Variants in SLAIN2 observed in about 807,000 individuals in gnomAD.
SLAIN2 encodes SLAIN motif-containing protein 2.
A neutral mutation model predicts 56.6 loss-of-function variants in SLAIN2; 31 were observed. The ratio of observed to expected loss-of-function variants is 0.55; its 90% confidence interval spans 0.41 to 0.74. The LOEUF is 0.74. Ranked by LOEUF, SLAIN2 falls within the 30% of genes least tolerant of loss-of-function variation. SLAIN2 has a pLI of 0.00. For synonymous variants in SLAIN2, 317 were observed against 284.9 expected (o/e 1.11, Z -1.13); for missense variants, 777 against 754.2 (o/e 1.03, Z -0.35).
intron 1 of SLAIN2, among the ~76,000 whole-genome samples, chr4:48,367,817 G>A (rs1243578700): frequency 3.3e-5 from 5 of 151,868 alleles, no homozygotes; most frequent in Non-Finnish European, 7.4e-5. Context: ...CATAAAAGTC[G>A]TTATATGTTA....
At chr4:48,358,100 G>A (rs1185525984) in intron 1 of SLAIN2, among the ~76,000 whole-genome samples, 1 of 152,062 alleles carries the variant, frequency 6.6e-6, no homozygotes, top group Admixed American at 6.6e-5. Flanking sequence ...GAGCACTTTT[G>A]GTTTTGCCAT....
chr4:48,363,160 T>A (rs1457003580), intron 1 of SLAIN2, among the ~76,000 whole-genome samples: 2 of 41,250 alleles, frequency 4.8e-5, no homozygotes, highest in African/African-American at 7.6e-5. Context: ...CATGTCTACT[T>A]CTTTCTACAC....
At chr4:48,349,165 A>G (rs1234120557) in intron 1 of SLAIN2, among the ~76,000 whole-genome samples, 2 of 151,938 alleles carry the variant, frequency 1.3e-5, no homozygotes, top group African/African-American at 4.8e-5. Flanking sequence ...CTGTTTATAT[A>G]CCCTTTTTTA....
chr4:48,376,217 G>A (rs1025288185), intron 2 of SLAIN2, among the ~76,000 whole-genome samples: 4 of 152,216 alleles, frequency 2.6e-5, no homozygotes, highest in African/African-American at 9.6e-5. Flanking sequence ...ACTTTGGGAG[G>A]CCAAGGCAGG....
chr4:48,342,069 G>A lies in SLAIN2; in HGVS notation c.330G>A (p.Glu110=), dbSNP rs1010286657. 8 of 1,375,634 alleles carry A rather than the reference G, an allele frequency of 5.8e-6. No individual in the cohort carries two copies. Among genetic ancestry groups the A allele is most frequent in the African/African-American group, 4.6e-5 (3 of 65,224 alleles). 85.2% of individuals were successfully genotyped at this position (1,375,634 alleles called of 1,614,324 possible). Residue 110 remains glutamate, a synonymous_variant, in exon 1 of 8, where the codon GAG becomes GAA. Transcript: ENST00000264313. ...AGGGCGGCTTGCTGGACGAGGTGGAGCCGCTGCGGCCCGACGAGCTGGAGC... is the reference window on the plus strand; with the variant it reads ...AGGGCGGCTTGCTGGACGAGGTGGAACCGCTGCGGCCCGACGAGCTGGAGC... The part of the protein sequence containing the change: ...AGEGGLLDEV[E]PLRPDELERL...
At chr4:48,397,062 C>G (rs1358717156) in intron 6 of SLAIN2, among the ~76,000 whole-genome samples, 1 of 152,120 alleles carries the variant, frequency 6.6e-6, no homozygotes, top group Admixed American at 6.5e-5. Context: ...ATGGAAGTGG[C>G]TATTTAAACT....
chr4:48,420,183 A>T lies in SLAIN2; in HGVS notation c.1419A>T (p.Gln473His), dbSNP rs759771336. The T allele has an allele frequency of 6.2e-7, 1 of 1,613,978 alleles. No individual in the cohort carries two copies. The highest frequency in any genetic ancestry group is 8.5e-7 in the Non-Finnish European group (1 of 1,179,878). ...CACCATCTCCTTTGGCTCTTCGGCA[A>T]CCAGTGAAAGCATTTAGTAACCATG... The part of the protein sequence containing the change: ...PAAPSPLALR[Q>H]PVKAFSNHGS... Residue 473 changes from glutamine (Q) to histidine (H), a missense_variant, in exon 7 of 8, where the codon CAA becomes CAT. Physicochemically the swap from Gln to His is conservative, Grantham distance 24. Transcript: ENST00000264313.
At chr4:48,392,554 T>C (rs1176096560) in intron 6 of SLAIN2, among the ~76,000 whole-genome samples, 1 of 152,212 alleles carries the variant, frequency 6.6e-6, no homozygotes, top group Non-Finnish European at 1.5e-5. Flanking sequence ...ACAACTGGCC[T>C]ACGTTCTGTT....
At chr4:48,369,720 G>A in intron 1 of SLAIN2, 129 bp from the exon 2 acceptor site, 1 of 740,772 alleles carries the variant, frequency 1.3e-6, no homozygotes, top group Non-Finnish European at 2.1e-6. Context: ...AAGTAAATGT[G>A]GGTGATTTAA....
chr4:48,351,428 C>G (rs1715006250), intron 1 of SLAIN2, among the ~76,000 whole-genome samples: 2 of 152,186 alleles, frequency 1.3e-5, no homozygotes, highest in East Asian at 1.9e-4. Context: ...CATTTCTCCT[C>G]TGAGTGGGAG....
rs1440786355 is a variant in SLAIN2, at chr4:48,425,075, C to A, written c.*2998C>A. On this transcript the variant is annotated 3_prime_UTR_variant, in exon 8 of 8. Transcript: ENST00000264313. ...TATGGTAAGATTCCTTTTTTCCTCT[C>A]AGTTGCCTACACTTGGTTTTAATAA... is the stretch of plus-strand genomic sequence containing the variant. 1 of 151,900 alleles carries A rather than the reference C, an allele frequency of 6.6e-6. No homozygotes were observed. The allele number at this position is 151,900 out of a possible 1,614,324, so 9.4% of individuals were successfully genotyped here. A position where few individuals can be genotyped will look rare whatever the true frequency, so the allele number is the denominator to read the frequency against.
chr4:48,393,377 A>T (rs550171944), intron 6 of SLAIN2, among the ~76,000 whole-genome samples: 1 of 107,322 alleles, frequency 9.3e-6, no homozygotes, highest in Non-Finnish European at 1.9e-5. Flanking sequence ...ACACACCACC[A>T]TGTCTGGCTT....
chr4:48,368,210 G>A (rs1715576556), intron 1 of SLAIN2, among the ~76,000 whole-genome samples: 1 of 151,684 alleles, frequency 6.6e-6, no homozygotes, highest in African/African-American at 2.4e-5. Flanking sequence ...CACCACACCT[G>A]GCTAATTTTT....
chr4:48,368,540 A>G (rs1715586116), intron 1 of SLAIN2, among the ~76,000 whole-genome samples: 1 of 152,164 alleles, frequency 6.6e-6, no homozygotes. Flanking sequence ...TCATCTATAG[A>G]GGTTTACCTT....
At chr4:48,345,057 T>G (rs1714826052) in intron 1 of SLAIN2, among the ~76,000 whole-genome samples, 1 of 152,240 alleles carries the variant, frequency 6.6e-6, no homozygotes, top group South Asian at 2.1e-4. Flanking sequence ...ATTTATGAGA[T>G]AGGTATCATT....
At chr4:48,343,205 G>A (rs975432899) in intron 1 of SLAIN2, among the ~76,000 whole-genome samples, 1 of 152,132 alleles carries the variant, frequency 6.6e-6, no homozygotes, top group African/African-American at 2.4e-5. Flanking sequence ...TTCGCCCCTG[G>A]TTTTGCCACT....
At chr4:48,414,290 G>T (rs1716938801) in intron 6 of SLAIN2, among the ~76,000 whole-genome samples, 1 of 152,028 alleles carries the variant, frequency 6.6e-6, no homozygotes, top group Non-Finnish European at 1.5e-5. Flanking sequence ...TAATTTATAG[G>T]GAAAGCCTAG....
chr4:48,396,660 C>A (rs142370442), intron 6 of SLAIN2, among the ~76,000 whole-genome samples: 93 of 152,164 alleles, frequency 6.1e-4, no homozygotes, highest in African/African-American at 2.1e-3. Flanking sequence ...TAAACGTGTC[C>A]AGTAAAGAAA....
rs776678579 is a variant in SLAIN2, at chr4:48,382,745, G to A, written c.1040G>A (p.Arg347His). Residue 347 changes from arginine (R) to histidine (H), a missense_variant, in exon 5 of 8, where the codon CGC becomes CAC. By Grantham distance (29) the Arg-to-His change is conservative. Transcript: ENST00000264313. ...GTTAACAGGTTTTCACCATCACCAC[G>A]CAATTCACCTCGACCGTCACCTAAG... ...PAVNRFSPSP[R>H]NSPRPSPKQS... 32 of 1,613,454 alleles carry A rather than the reference G, an allele frequency of 2.0e-5. No homozygotes were observed. Among genetic ancestry groups the A allele is most frequent in the Non-Finnish European group, 2.5e-5 (30 of 1,179,858 alleles).
Sources: allele counts gnomAD v4.1 joint callset (sites outside exome capture counted in the v4.1 genomes callset), GRCh38; gene constraint gnomAD v4.1.1; transcripts MANE v1.5; gene names NCBI Gene and HGNC (gene_info 2026-07-23, HGNC 2026-07-21).